TUSC3: variants seen among roughly 807,000 people sequenced by gnomAD.
TUSC3 encodes tumor suppressor candidate 3.
Under a neutral mutation model 44.8 loss-of-function variants are expected in TUSC3, and 45 were observed. The ratio of observed to expected loss-of-function variants is 1.00; its 90% confidence interval spans 0.79 to 1.29. The LOEUF (loss-of-function observed/expected upper bound fraction) is 1.29. TUSC3 is among the 50% of genes most tolerant of loss of function. TUSC3 has a pLI of 0.00. For missense variants in TUSC3, 519 were observed against 437.9 expected, an observed-to-expected ratio of 1.19 and a Z score of -1.65; for synonymous variants, 212 against 152.9, an observed-to-expected ratio of 1.39 and a Z score of -2.85.
At chr8:15,431,065 G>T (rs767973376) in intron 1 of TUSC3, among the ~76,000 whole-genome samples, 1 of 151,638 alleles carries the variant, frequency 6.6e-6, no homozygotes, top group East Asian at 1.9e-4. Flanking sequence ...TGCCAGAACC[G>T]TATTGTTTTA....
chr8:15,697,880 C>T (rs1429710987), intron 6 of TUSC3, among the ~76,000 whole-genome samples: 1 of 152,076 alleles, frequency 6.6e-6, no homozygotes, highest in African/African-American at 2.4e-5. Flanking sequence ...TATTTCTAGC[C>T]ATCTAACAAT....
chr8:15,552,349 A>G (rs1387999591), intron 1 of TUSC3, among the ~76,000 whole-genome samples: 8 of 151,822 alleles, frequency 5.3e-5, no homozygotes, highest in African/African-American at 1.9e-4. Context: ...TGGATTTTGA[A>G]GGTAGAGTGA....
intron 9 of TUSC3, among the ~76,000 whole-genome samples, chr8:15,752,966 A>G (rs558939685): frequency 2.4e-4 from 36 of 152,090 alleles, no homozygotes; most frequent in Non-Finnish European, 3.1e-4. Context: ...TGGTACAAAT[A>G]TATGCAATGA....
chr8:15,710,039 T>G (rs974461925), intron 6 of TUSC3, among the ~76,000 whole-genome samples: 3 of 151,862 alleles, frequency 2.0e-5, no homozygotes, highest in African/African-American at 7.2e-5. Context: ...GCCTCTTCCC[T>G]CCTGGTGGAC....
At chr8:15,561,238 T>C (rs1220460249) in intron 1 of TUSC3, among the ~76,000 whole-genome samples, 1 of 144,430 alleles carries the variant, frequency 6.9e-6, no homozygotes, top group Non-Finnish European at 1.5e-5. Flanking sequence ...GACCCTCAGC[T>C]GCAGGTCTGT....
At chr8:15,670,420 G>A (rs571294115) in intron 5 of TUSC3, among the ~76,000 whole-genome samples, 2 of 151,874 alleles carry the variant, frequency 1.3e-5, no homozygotes, top group South Asian at 2.1e-4. Flanking sequence ...GATTTGTAAC[G>A]AAAGTGGCCT....
chr8:15,814,993 G>C, the TUSC3 span, among the ~76,000 whole-genome samples: 1 of 151,998 alleles, frequency 6.6e-6, no homozygotes, highest in Non-Finnish European at 1.5e-5. Flanking sequence ...AATACAACAT[G>C]AAACAAGATA....
At chr8:15,836,883 C>G in the TUSC3 span, among the ~76,000 whole-genome samples, 1 of 152,096 alleles carries the variant, frequency 6.6e-6, no homozygotes, top group Non-Finnish European at 1.5e-5. Context: ...CTTTTTTGGG[C>G]TATATCATTT....
At chr8:15,488,201 T>C (rs1000133782) in intron 2 of TUSC3, among the ~76,000 whole-genome samples, 7 of 152,076 alleles carry the variant, frequency 4.6e-5, no homozygotes, top group Non-Finnish European at 8.8e-5. Context: ...AATACACTTA[T>C]TTATCTCTAA....
chr8:15,515,003 G>C (rs1005191279), intron 2 of TUSC3, among the ~76,000 whole-genome samples: 2 of 152,206 alleles, frequency 1.3e-5, no homozygotes, highest in Non-Finnish European at 2.9e-5. Flanking sequence ...GTTTAATTTT[G>C]GTTGGAGAAT....
rs116131926 is a variant in TUSC3, at chr8:15,456,200, G to T, written n.92-27186G>T. Among the ~76,000 whole-genome samples, 966 of 152,186 alleles carry T rather than the reference G, an allele frequency of 6.3e-3. 7 individuals carry two copies. The highest frequency in any genetic ancestry group is 0.022 in the African/African-American group (898 of 41,512). ...ACAGCCTTCAATGAGATTGATTTGAGTAATAAATCTGTATCCCTCCTGGCA... is the reference window on the plus strand; with the variant it reads ...ACAGCCTTCAATGAGATTGATTTGATTAATAAATCTGTATCCCTCCTGGCA... On this transcript the variant is annotated intron_variant and non_coding_transcript_variant, in intron 1 of 5. Coordinates refer to the TUSC3 transcript ENST00000503191.
At chr8:15,505,057 T>C (rs1423018372) in intron 2 of TUSC3, among the ~76,000 whole-genome samples, 1 of 152,152 alleles carries the variant, frequency 6.6e-6, no homozygotes, top group Non-Finnish European at 1.5e-5. Context: ...TGCTGCCAAA[T>C]GGCAGGAATC....
rs145657089 is a variant in TUSC3, at chr8:15,464,937, C to T, written n.92-18449C>T. 2.3e-3 allele frequency among the ~76,000 whole-genome samples: 353 copies of T among 152,234 alleles called. 3 individuals carry two copies. In the East Asian group the frequency reaches 0.044, roughly 19 times the overall value. On this transcript the variant is annotated intron_variant and non_coding_transcript_variant, in intron 1 of 5. Transcript: ENST00000503191. ...TGATCTTGGCTCACTGCAACCTCTT[C>T]CTCCCAGGTTCAAGCGATTCTCTTG...
chr8:15,763,023 C>G (rs930353108), intron 10 of TUSC3, among the ~76,000 whole-genome samples: 3 of 152,004 alleles, frequency 2.0e-5, no homozygotes, highest in Non-Finnish European at 2.9e-5. Context: ...TCTAATTTAA[C>G]AATTTCTCAG....
the TUSC3 span, among the ~76,000 whole-genome samples, chr8:15,788,429 C>T: frequency 2.0e-5 from 3 of 151,660 alleles, no homozygotes; most frequent in Admixed American, 6.6e-5. Flanking sequence ...CACCTGTGAT[C>T]GCAGCTACTT....
chr8:15,562,892 T>G (rs1050331886), intron 1 of TUSC3, among the ~76,000 whole-genome samples: 1 of 152,258 alleles, frequency 6.6e-6, no homozygotes, highest in South Asian at 2.1e-4. Flanking sequence ...TTTAAATAAC[T>G]CAGAGTTAAT....
At chr8:15,678,403 TA>T in intron 6 of TUSC3, among the ~76,000 whole-genome samples, 1 of 152,198 alleles carries the variant, frequency 6.6e-6, no homozygotes, top group East Asian at 1.9e-4. Context: ...TATTTTTTTT[TA>T]GTAGATTCCA....
intron 6 of TUSC3, among the ~76,000 whole-genome samples, chr8:15,725,696 T>G (rs987420396): frequency 6.6e-6 from 1 of 152,184 alleles, no homozygotes; most frequent in African/African-American, 2.4e-5. Context: ...TATTATCAAT[T>G]CACTTCTCAC....
At chr8:15,567,003 T>C (rs1480795950) in intron 1 of TUSC3, among the ~76,000 whole-genome samples, 2 of 152,162 alleles carry the variant, frequency 1.3e-5, no homozygotes, top group Non-Finnish European at 2.9e-5. Context: ...GCTTTTATAC[T>C]ATGTGCTCTT....
Sources: gnomAD v4.1 joint callset for allele counts (sites outside exome capture counted in the v4.1 genomes callset) on GRCh38, gnomAD v4.1.1 for gene constraint, MANE v1.5 for transcripts, NCBI Gene and HGNC (gene_info 2026-07-23, HGNC 2026-07-21) for gene names.